Variants in GLRA3 observed in about 807,000 individuals in gnomAD.
GLRA3 encodes glycine receptor subunit alpha-3.
GLRA3 carries 44 observed loss-of-function variants against 60.4 expected under a neutral mutation model. The ratio of observed to expected loss-of-function variants is 0.73; its 90% CI spans 0.57 to 0.94. The LOEUF (loss-of-function observed/expected upper bound fraction) is 0.94, where lower values mean the gene tolerates loss of function less well. Among genes scored for constraint, GLRA3 ranks in the 40% least tolerant of loss-of-function variants. The pLI, the probability that GLRA3 is intolerant of heterozygous loss-of-function variation, is 0.00. For synonymous variants in GLRA3, 223 were observed against 192.9 expected, an observed-to-expected ratio of 1.16 and a Z score of -1.29; for missense variants, 508 against 564.6, an observed-to-expected ratio of 0.90 and a Z score of 1.02.
At chr4:174,808,218 G>A (rs1410519284) in intron 1 of GLRA3, among the ~76,000 whole-genome samples, 1 of 151,872 alleles carries the variant, frequency 6.6e-6, no homozygotes, top group Non-Finnish European at 1.5e-5. Flanking sequence ...ATAATATAAG[G>A]GTATTATTCA....
Position 174,642,353 on chromosome 4 carries a change from G to T in GLRA3, c.*1433C>A. On this transcript the variant is annotated 3_prime_UTR_variant, in exon 10 of 10. Coordinates refer to ENST00000274093, the MANE Select transcript of GLRA3 (RefSeq NM_006529.4). ...TTTCTTAATCTTTAAAGTTTTCTCTGTGAATAATTTGGTGGACTGAGTTTG... is the reference window on the plus strand; with the variant it reads ...TTTCTTAATCTTTAAAGTTTTCTCTTTGAATAATTTGGTGGACTGAGTTTG... 1 of 975,738 alleles carries T rather than the reference G, an allele frequency of 1.0e-6. No individual in the cohort carries two copies. Among genetic ancestry groups the T allele is most frequent in the Non-Finnish European group, 1.2e-6 (1 of 821,424 alleles). 60.4% of individuals were successfully genotyped at this position (975,738 alleles called of 1,614,324 possible). A position where few individuals can be genotyped will look rare whatever the true frequency, so the allele number is the denominator to read the frequency against.
intron 1 of GLRA3, among the ~76,000 whole-genome samples, chr4:174,817,998 G>C (rs1161382179): frequency 1.3e-5 from 2 of 151,918 alleles, no homozygotes; most frequent in Non-Finnish European, 2.9e-5. Flanking sequence ...TTTTGACCAT[G>C]TTAGTTTTTA....
chr4:174,728,710 T>C lies in GLRA3; in HGVS notation c.268-12A>G, dbSNP rs1872548. 2 of 1,451,642 alleles carry C rather than the reference T, an allele frequency of 1.4e-6. No homozygotes were observed. Among genetic ancestry groups the C allele is most frequent in the East Asian group, 4.6e-5 (2 of 43,424 alleles). The allele number at this position is 1,451,642 out of a possible 1,614,324, so 89.9% of individuals were successfully genotyped here. On this transcript the variant is annotated splice_polypyrimidine_tract_variant and intron_variant, in intron 3 of 9. Coordinates refer to ENST00000274093, the MANE Select transcript of GLRA3 (RefSeq NM_006529.4). ...TTCACTCTGTAATCCTATGATAAAA[T>C]AATGAAAGAAAGAAAAAAAAAAACC...
In GLRA3 at chr4:174,808,912, T is replaced by A. The variant is rs904521096; in HGVS notation, c.71+19829A>T. ...CATTGTTATCAAAGAGTCAAAAATT[T>A]AAAAAAATTGAAAGTTTATAAAGTA... On this transcript the variant is annotated intron_variant, in intron 1 of 9. Transcript: ENST00000274093. Among the ~76,000 whole-genome samples, 3 of 152,156 alleles carry A rather than the reference T, an allele frequency of 2.0e-5. 1 individual carries two copies. The highest frequency in any genetic ancestry group is 7.2e-5 in the African/African-American group (3 of 41,444).
At chr4:174,744,048 C>T (rs1390699101) in intron 3 of GLRA3, among the ~76,000 whole-genome samples, 1 of 152,172 alleles carries the variant, frequency 6.6e-6, no homozygotes, top group Non-Finnish European at 1.5e-5. Context: ...TGTGCTTGGG[C>T]TCACAAGGGA....
intron 1 of GLRA3, among the ~76,000 whole-genome samples, chr4:174,790,655 C>T (rs1413013560): frequency 6.6e-6 from 1 of 151,672 alleles, no homozygotes; most frequent in African/African-American, 2.4e-5. Context: ...TTGACCTGAA[C>T]CAATAATACT....
intron 9 of GLRA3, among the ~76,000 whole-genome samples, chr4:174,651,469 C>T (rs1344256095): frequency 1.3e-5 from 2 of 152,024 alleles, no homozygotes; most frequent in Non-Finnish European, 2.9e-5. Flanking sequence ...TTATATTATT[C>T]ATATTTTGAG....
chr4:174,747,914 AT>A (rs1359813952), intron 3 of GLRA3, among the ~76,000 whole-genome samples: 4 of 152,170 alleles, frequency 2.6e-5, no homozygotes, highest in African/African-American at 9.7e-5. Context: ...TATAGCATAT[AT>A]ATATGCTGTT....
Position 174,810,404 on chromosome 4 carries a change from G to C in GLRA3, c.71+18337C>G, listed in dbSNP as rs568475251. On this transcript the variant is annotated intron_variant, in intron 1 of 9. Transcript: ENST00000274093. Reference sequence around the variant, plus strand: ...AGGAAACACATGGAATGGATAAGTAGTATTAATCCCCTAATTGGAACATTT... The same window carrying C: ...AGGAAACACATGGAATGGATAAGTACTATTAATCCCCTAATTGGAACATTT... Among the ~76,000 whole-genome samples, 21 of 151,794 alleles carry C rather than the reference G, an allele frequency of 1.4e-4. 1 individual carries two copies. The South Asian group carries it at 4.2e-3, about 30-fold the overall frequency.
In GLRA3 at chr4:174,783,249, G is replaced by A. The variant is rs1405359378; in HGVS notation, c.199+5567C>T. ...TTCCCTATTTAATAAGTGGTGCTGG[G>A]AAAACTGGCTAGCCATATGTAGAAA... On this transcript the variant is annotated intron_variant, in intron 2 of 9. Coordinates refer to ENST00000274093, the MANE Select transcript of GLRA3 (RefSeq NM_006529.4). 1.4e-4 allele frequency among the ~76,000 whole-genome samples: 21 copies of A among 146,226 alleles called. No individual in the cohort carries two copies. In the South Asian group the frequency reaches 4.3e-3, roughly 30 times the overall value.
At chr4:174,822,397 A>G (rs1307265033) in intron 1 of GLRA3, among the ~76,000 whole-genome samples, 1 of 152,176 alleles carries the variant, frequency 6.6e-6, no homozygotes, top group Non-Finnish European at 1.5e-5. Flanking sequence ...ATCCCCAAAG[A>G]ACACAGAAAC....
At chr4:174,828,400 A>G (rs950150866) in intron 1 of GLRA3, among the ~76,000 whole-genome samples, 1 of 152,190 alleles carries the variant, frequency 6.6e-6, no homozygotes, top group Non-Finnish European at 1.5e-5. Context: ...GTAACTTTCA[A>G]AAAAAGAGTA....
At chr4:174,715,643 A>C in intron 4 of GLRA3, 73 bp from the exon 5 acceptor site, 1 of 695,006 alleles carries the variant, frequency 1.4e-6, no homozygotes, top group South Asian at 2.1e-5. Context: ...CAGGAGAAAC[A>C]ATGTTGCTTT....
rs555180353 is a variant in GLRA3 at position 174,657,535 on chromosome 4, T to G, written c.1072-748A>C. On this transcript the variant is annotated intron_variant, in intron 8 of 9. Coordinates refer to ENST00000274093, the MANE Select transcript of GLRA3 (RefSeq NM_006529.4). The stretch of plus-strand genomic sequence containing the variant: ...ATACTAGAAGGGAAAGTGGTCTTTA[T>G]CAGTTACTAGTAACGAAGAAAGACC... Among the ~76,000 whole-genome samples, 3 of 152,274 alleles carry G rather than the reference T, an allele frequency of 2.0e-5. No homozygotes were observed. The East Asian group carries it at 5.8e-4, about 29-fold the overall frequency.
At chr4:174,796,640 G>A (rs1341948116) in intron 1 of GLRA3, among the ~76,000 whole-genome samples, 1 of 151,760 alleles carries the variant, frequency 6.6e-6, no homozygotes. Flanking sequence ...GGGTTCAAGC[G>A]ATTCTCCTGC....
At chr4:174,806,056 A>G (rs934045674) in intron 1 of GLRA3, among the ~76,000 whole-genome samples, 1 of 152,168 alleles carries the variant, frequency 6.6e-6, no homozygotes, top group Non-Finnish European at 1.5e-5. Context: ...GGTGAAAGGT[A>G]TAGCAAAGAC....
chr4:174,685,755 A>G (rs920415719), intron 5 of GLRA3, among the ~76,000 whole-genome samples: 2 of 152,152 alleles, frequency 1.3e-5, no homozygotes, highest in African/African-American at 2.4e-5. Context: ...ACATTTCTCA[A>G]TGATTTAAGG....
At chr4:174,656,054 T>G (rs1443733764) in intron 9 of GLRA3, among the ~76,000 whole-genome samples, 25 of 152,124 alleles carry the variant, frequency 1.6e-4, no homozygotes, top group Non-Finnish European at 1.0e-4. Flanking sequence ...ATTCTTGGCT[T>G]CAGTAGATTT....
intron 2 of GLRA3, among the ~76,000 whole-genome samples, chr4:174,779,515 GA>G (rs1340077288): frequency 3.3e-5 from 5 of 152,130 alleles, no homozygotes; most frequent in Non-Finnish European, 1.5e-5. Context: ...AAATTACTCT[GA>G]GCTAAGGGAG....
Sources: allele counts gnomAD v4.1 joint callset (sites outside exome capture counted in the v4.1 genomes callset), GRCh38; gene constraint gnomAD v4.1.1; transcripts MANE v1.5; gene names NCBI Gene and HGNC (gene_info 2026-07-23, HGNC 2026-07-21).